Variants in IGFL4 observed in about 807,000 individuals in gnomAD.
IGFL4 encodes insulin growth factor-like family member 4.
IGFL4 carries 12 observed loss-of-function variants against 15.4 expected under a neutral mutation model. That is an observed-to-expected ratio of 0.78 (90% confidence interval 0.50 to 1.26). IGFL4 has a LOEUF of 1.26. Ranked by LOEUF, IGFL4 falls within the 50% of genes most tolerant of loss-of-function variation. IGFL4 has a pLI of 0.00. For missense variants in IGFL4, 126 were observed against 147.8 expected, an observed-to-expected ratio of 0.85 and a Z score of 0.76; for synonymous variants, 54 against 55.9, an observed-to-expected ratio of 0.97 and a Z score of 0.16.
chr19:46,061,222 T>G (rs1161195840), intron 1 of IGFL4, among the ~76,000 whole-genome samples: 1 of 152,230 alleles, frequency 6.6e-6, no homozygotes, highest in Non-Finnish European at 1.5e-5. Context: ...CACATTCCCA[T>G]GCCTTCTTAT....
chr19:46,067,267 C>G (rs552913435), intron 1 of IGFL4, among the ~76,000 whole-genome samples: 2 of 152,150 alleles, frequency 1.3e-5, no homozygotes, highest in South Asian at 4.1e-4. Flanking sequence ...TCTGGACATC[C>G]GCTTTCAGCC....
chr19:46,069,064 A>G (rs1969521394), intron 1 of IGFL4, among the ~76,000 whole-genome samples: 1 of 152,148 alleles, frequency 6.6e-6, no homozygotes, highest in South Asian at 2.1e-4. Flanking sequence ...AAGCTGTCCT[A>G]TCAGTACTGT....
intron 1 of IGFL4, among the ~76,000 whole-genome samples, chr19:46,068,258 A>C (rs1969513532): frequency 6.6e-6 from 1 of 152,148 alleles, no homozygotes; most frequent in Admixed American, 6.5e-5. Context: ...AGAAAGACCC[A>C]CCAGGGCAGA....
chr19:46,046,070 G>A (rs1455111572), intron 2 of IGFL4, among the ~76,000 whole-genome samples: 1 of 152,200 alleles, frequency 6.6e-6, no homozygotes, highest in Non-Finnish European at 1.5e-5. Context: ...GGACCTCTCA[G>A]TGGAAATCCT....
chr19:46,063,366 CAT>C lies in IGFL4; in HGVS notation c.-431-3075_-431-3074del, dbSNP rs1491492374. 7.7e-5 allele frequency among the ~76,000 whole-genome samples: 11 copies of C among 143,700 alleles called. No individual in the cohort carries two copies. The East Asian group carries it at 1.6e-3, about 21-fold the overall frequency. The allele number at this position is 143,700 out of a possible 152,430, so 94.3% of individuals were successfully genotyped here. A position where few individuals can be genotyped will look rare whatever the true frequency, so the allele number is the denominator to read the frequency against. On this transcript the variant is annotated intron_variant, in intron 1 of 5. Transcript: ENST00000601672. Reference sequence around the variant, plus strand: ...ACACACACACACACACACACACACACATACACGATCCCTCTGTCCTCTTTTAT... The same window carrying C: ...ACACACACACACACACACACACACACACACGATCCCTCTGTCCTCTTTTAT...
At position 46,040,013 on chromosome 19, in the gene IGFL4, T is replaced by G; in HGVS notation, c.331-77A>C. Reference sequence around the variant, plus strand: ...CAGTGGCGGGGAAGGAACAGAGACATGGAGAAAGACAGAGTTGCATGGTTA... The same window carrying G: ...CAGTGGCGGGGAAGGAACAGAGACAGGGAGAAAGACAGAGTTGCATGGTTA... On this transcript the variant is annotated intron_variant, in intron 3 of 3. Transcript: ENST00000377697. This position sits in a 1 kb window ranked among gnomAD's most constrained non-coding sequence, Gnocchi z 4.1. 1 of 1,509,442 alleles carries G rather than the reference T, an allele frequency of 6.6e-7. No individual in the cohort carries two copies. Among genetic ancestry groups the G allele is most frequent in the African/African-American group, 1.4e-5 (1 of 72,476 alleles). 93.5% of individuals were successfully genotyped at this position (1,509,442 alleles called of 1,614,324 possible).
chr19:46,044,325 A>G (rs1320849177), upstream of IGFL4, among the ~76,000 whole-genome samples: 1 of 152,160 alleles, frequency 6.6e-6, no homozygotes, highest in East Asian at 1.9e-4. Flanking sequence ...ATCTGCAGCA[A>G]GGGAGGACAT....
intron 2 of IGFL4, chr19:46,059,897 C>T (rs1367893518): frequency 6.6e-6 from 1 of 152,166 alleles, no homozygotes; most frequent in East Asian, 1.9e-4. Flanking sequence ...CTCTTGAGGT[C>T]CCAAGATAAC....
chr19:46,042,062 G>A (rs1969250600), upstream of IGFL4, among the ~76,000 whole-genome samples: 3 of 87,692 alleles, frequency 3.4e-5, no homozygotes, highest in Admixed American at 1.2e-4. Flanking sequence ...TTGGAATCCT[G>A]AGCTCAAGCA....
upstream of IGFL4, chr19:46,041,115 A>G: frequency 1.5e-6 from 1 of 655,464 alleles, no homozygotes; most frequent in Non-Finnish European, 2.6e-6. Flanking sequence ...AAAGAGCTGC[A>G]GGGAACATAA....
intron 2 of IGFL4, chr19:46,059,005 G>A (rs1276882225): frequency 6.6e-6 from 1 of 152,232 alleles, no homozygotes; most frequent in Non-Finnish European, 1.5e-5. Flanking sequence ...GGTGTGGGTA[G>A]GAGTGTCTTT....
upstream of IGFL4, among the ~76,000 whole-genome samples, chr19:46,043,527 A>C (rs1969268090): frequency 6.6e-6 from 1 of 152,212 alleles, no homozygotes; most frequent in African/African-American, 2.4e-5. Flanking sequence ...GAGGACTCAC[A>C]CTACCCAATT....
chr19:46,068,648 C>T (rs570754076), intron 1 of IGFL4, among the ~76,000 whole-genome samples: 5 of 152,240 alleles, frequency 3.3e-5, no homozygotes, highest in East Asian at 3.9e-4. Context: ...CATCTGTGGG[C>T]GGCCTCTGAC....
intron 1 of IGFL4, among the ~76,000 whole-genome samples, chr19:46,066,180 A>G (rs1366796019): frequency 6.6e-6 from 1 of 152,208 alleles, no homozygotes; most frequent in African/African-American, 2.4e-5. Context: ...TCTTGACACC[A>G]TATATCAAGG....
intron 1 of IGFL4, among the ~76,000 whole-genome samples, chr19:46,075,191 A>G (rs889043747): frequency 1.3e-5 from 2 of 152,218 alleles, no homozygotes; most frequent in Non-Finnish European, 2.9e-5. Flanking sequence ...AGCTTCTTAC[A>G]TTAGTATTTT....
At chr19:46,069,254 C>A (rs1276707144) in intron 1 of IGFL4, among the ~76,000 whole-genome samples, 1 of 152,204 alleles carries the variant, frequency 6.6e-6, no homozygotes, top group African/African-American at 2.4e-5. Context: ...CATCTGGATT[C>A]TGTGTTGCTG....
At chr19:46,071,208 G>A (rs899685669) in intron 1 of IGFL4, among the ~76,000 whole-genome samples, 5 of 150,502 alleles carry the variant, frequency 3.3e-5, no homozygotes, top group Non-Finnish European at 5.9e-5. Flanking sequence ...TTTCCCTCAC[G>A]CCAGCGGCAC....
upstream of IGFL4, among the ~76,000 whole-genome samples, chr19:46,042,493 A>G (rs1969256191): frequency 6.6e-6 from 1 of 152,240 alleles, no homozygotes; most frequent in Non-Finnish European, 1.5e-5. Flanking sequence ...TAAGGAGGGA[A>G]ATCCCAAAGC....
At chr19:46,043,998 C>T (rs1813141077), upstream of IGFL4, among the ~76,000 whole-genome samples, 1 of 152,146 alleles carries the variant, frequency 6.6e-6, no homozygotes, top group Non-Finnish European at 1.5e-5. Flanking sequence ...TCAGCATCTT[C>T]AACTGAAATA....
Sources: allele counts gnomAD v4.1 joint callset (sites outside exome capture counted in the v4.1 genomes callset), GRCh38; gene constraint gnomAD v4.1.1; non-coding constraint Gnocchi (gnomAD v3.1); transcripts MANE v1.5; gene names NCBI Gene and HGNC (gene_info 2026-07-23, HGNC 2026-07-21).